Variants in RFTN1 observed in about 807,000 individuals in gnomAD.
RFTN1 encodes the protein raftlin.
RFTN1 carries 26 observed loss-of-function variants against 46.5 expected under a neutral mutation model. The ratio of observed to expected loss-of-function variants is 0.56; its 90% CI spans 0.41 to 0.78. RFTN1 has a LOEUF of 0.78. Among genes scored for constraint, RFTN1 ranks in the 30% least tolerant of loss-of-function variants. The pLI is 0.00. For missense variants in RFTN1, 693 were observed against 718.7 expected (o/e 0.96, Z 0.41); for synonymous variants, 261 against 284.2 (o/e 0.92, Z 0.82).
At position 16,458,921 on chromosome 3, in the gene RFTN1, G is replaced by A. The variant is rs1289317808; in HGVS notation, c.146-24884C>T. ...GAATTCCCTAAAAGTTACAACCCAGGGCTACTGGGTTTTCCTTTCTTTTCT... is the reference window on the plus strand; with the variant it reads ...GAATTCCCTAAAAGTTACAACCCAGAGCTACTGGGTTTTCCTTTCTTTTCT... On this transcript the variant is annotated intron_variant, in intron 2 of 9. Coordinates refer to ENST00000334133, the MANE Select transcript of RFTN1 (RefSeq NM_015150.2). This position sits in a 1 kb window ranked among gnomAD's most constrained non-coding sequence, Gnocchi z 5.1. Among the ~76,000 whole-genome samples, 1 of 151,996 alleles carries A rather than the reference G, an allele frequency of 6.6e-6. No homozygotes were observed. The highest frequency in any genetic ancestry group is 1.9e-4 in the East Asian group (1 of 5,182).
chr3:16,414,688 T>C (rs1050139353), intron 3 of RFTN1, among the ~76,000 whole-genome samples: 4 of 151,448 alleles, frequency 2.6e-5, no homozygotes, highest in African/African-American at 9.7e-5. Context: ...GAGACAGTTG[T>C]AGTTTTAATG....
rs1390094574 is a variant in RFTN1 at position 16,344,617 on chromosome 3, A to C, written c.1146+13315T>G. ...CCCAGAATCAGGTCTCTTCAGGTCCACCACCTTCTAGATCACTGCACAAGC... is the reference window on the plus strand; with the variant it reads ...CCCAGAATCAGGTCTCTTCAGGTCCCCCACCTTCTAGATCACTGCACAAGC... On this transcript the variant is annotated intron_variant, in intron 7 of 9. Coordinates refer to ENST00000334133, the MANE Select transcript of RFTN1 (RefSeq NM_015150.2). This position sits in a 1 kb window ranked among gnomAD's most constrained non-coding sequence, Gnocchi z 4.4. Among the ~76,000 whole-genome samples, 2 of 152,138 alleles carry C rather than the reference A, an allele frequency of 1.3e-5. No homozygotes were observed. The highest frequency in any genetic ancestry group is 3.9e-4 in the East Asian group (2 of 5,184).
In RFTN1 at chr3:16,507,653, C is replaced by T. The variant is rs146495544; in HGVS notation, c.-9+5789G>A. Among the ~76,000 whole-genome samples the T allele has an allele frequency of 1.3e-3, 201 of 151,156 alleles. No individual in the cohort carries two copies. The South Asian group carries it at 0.018, about 13-fold the overall frequency. On this transcript the variant is annotated intron_variant, in intron 1 of 9. Coordinates refer to ENST00000334133, the MANE Select transcript of RFTN1 (RefSeq NM_015150.2). This position sits in a 1 kb window ranked among gnomAD's most constrained non-coding sequence, Gnocchi z 7.1. ...ACACACATGCACACATCCACAAACA[C>T]GCACATACATACACACACAATGCAC... is the stretch of plus-strand genomic sequence containing the variant.
chr3:16,439,158 C>T (rs1283037288), intron 2 of RFTN1, among the ~76,000 whole-genome samples: 1 of 152,032 alleles, frequency 6.6e-6, no homozygotes, highest in Non-Finnish European at 1.5e-5. Context: ...AAAAAGGCTC[C>T]TATTATAAAC....
At position 16,322,641 on chromosome 3, in the gene RFTN1, G is replaced by T. The variant is rs1429995273; in HGVS notation, c.1332+735C>A. On this transcript the variant is annotated intron_variant, in intron 9 of 9. Coordinates refer to ENST00000334133, the MANE Select transcript of RFTN1 (RefSeq NM_015150.2). This position sits in a 1 kb window ranked among gnomAD's most constrained non-coding sequence, Gnocchi z 6.2. ...AAGCACCACAGGCTGCTCAGGGTGGGGTGGGAAGCATCAGAATCATCTGGC... is the reference window on the plus strand; with the variant it reads ...AAGCACCACAGGCTGCTCAGGGTGGTGTGGGAAGCATCAGAATCATCTGGC... Among the ~76,000 whole-genome samples, 1 of 152,186 alleles carries T rather than the reference G, an allele frequency of 6.6e-6. No individual in the cohort carries two copies. Among genetic ancestry groups the T allele is most frequent in the Non-Finnish European group, 1.5e-5 (1 of 68,028 alleles).
chr3:16,473,802 A>G lies in RFTN1; in HGVS notation c.145+19923T>C, dbSNP rs1008637683. Among the ~76,000 whole-genome samples the G allele has an allele frequency of 6.6e-6, 1 of 152,188 alleles. No homozygotes were observed. Among genetic ancestry groups the G allele is most frequent in the African/African-American group, 2.4e-5 (1 of 41,450 alleles). ...CTCCCTCAGAGACGGAGAGTCCCTC[A>G]AAGTCCTCCCACTTCTCCCTATCCT... On this transcript the variant is annotated intron_variant, in intron 2 of 9. Coordinates refer to ENST00000334133, the MANE Select transcript of RFTN1 (RefSeq NM_015150.2). The surrounding 1 kb of genome is among the most constrained non-coding windows in gnomAD (Gnocchi z 5.3).
chr3:16,394,341 A>C (rs2074420204), intron 4 of RFTN1, among the ~76,000 whole-genome samples: 1 of 152,114 alleles, frequency 6.6e-6, no homozygotes, highest in South Asian at 2.1e-4. Flanking sequence ...GCACCACTGC[A>C]CTCTAGCTTG....
intron 6 of RFTN1, among the ~76,000 whole-genome samples, chr3:16,358,387 C>T (rs1162461083): frequency 6.6e-6 from 1 of 151,792 alleles, no homozygotes; most frequent in African/African-American, 2.4e-5. Context: ...AAAACACAGT[C>T]ATTTAGAGAC....
In RFTN1 at chr3:16,377,723, G is replaced by A. The variant is rs201568893; in HGVS notation, c.821C>T (p.Ser274Leu). 2 of 1,590,170 alleles carry A rather than the reference G, an allele frequency of 1.3e-6. No individual in the cohort carries two copies. The highest frequency in any genetic ancestry group is 1.3e-5 in the African/African-American group (1 of 74,640). Residue 274 changes from serine to leucine, a missense_variant, in exon 5 of 10, where the codon TCA (serine) becomes TTA (leucine). Transcript: ENST00000334133. ...NPLEVHEEPL[S>L]GKMEIFTLFN... ...CCCATTGCTGACATACTTACTCCCTGAGAGTGGCTCTTCATGCACCTCCAA... is the reference window on the plus strand; with the variant it reads ...CCCATTGCTGACATACTTACTCCCTAAGAGTGGCTCTTCATGCACCTCCAA...
In RFTN1 at chr3:16,429,997, C is replaced by T. The variant is rs1209719223; in HGVS notation, c.332+3854G>A. The stretch of plus-strand genomic sequence containing the variant: ...CTATAACTGTCAGAACTTTGGCAGA[C>T]TTTGTGAAAAGTATCACTTTAACTG... On this transcript the variant is annotated intron_variant, in intron 3 of 9. Coordinates refer to ENST00000334133, the MANE Select transcript of RFTN1 (RefSeq NM_015150.2). This position sits in a 1 kb window ranked among gnomAD's most constrained non-coding sequence, Gnocchi z 6.4. Among the ~76,000 whole-genome samples the T allele has an allele frequency of 6.6e-6, 1 of 152,170 alleles. No homozygotes were observed. Among genetic ancestry groups the T allele is most frequent in the East Asian group, 1.9e-4 (1 of 5,202 alleles).
In RFTN1 at chr3:16,507,722, CACACAA is replaced by C; in HGVS notation, c.-9+5714_-9+5719del. Among the ~76,000 whole-genome samples, 1 of 151,222 alleles carries C rather than the reference CACACAA, an allele frequency of 6.6e-6. No individual in the cohort carries two copies. The highest frequency in any genetic ancestry group is 1.9e-4 in the East Asian group (1 of 5,160). On this transcript the variant is annotated intron_variant, in intron 1 of 9. Coordinates refer to ENST00000334133, the MANE Select transcript of RFTN1 (RefSeq NM_015150.2). This position sits in a 1 kb window ranked among gnomAD's most constrained non-coding sequence, Gnocchi z 7.1. ...ACACATACATACACATACACACATA[CACACAA>C]ACACATACACACATACATGCACACT...
At position 16,500,771 on chromosome 3, in the gene RFTN1, AATTC is replaced by A. The variant is rs2076698147; in HGVS notation, c.-8-6898_-8-6895del. 1.3e-5 allele frequency among the ~76,000 whole-genome samples: 2 copies of A among 152,180 alleles called. No individual in the cohort carries two copies. The highest frequency in any genetic ancestry group is 4.8e-5 in the African/African-American group (2 of 41,432). On this transcript the variant is annotated intron_variant, in intron 1 of 9. Coordinates refer to ENST00000334133, the MANE Select transcript of RFTN1 (RefSeq NM_015150.2). This position sits in a 1 kb window ranked among gnomAD's most constrained non-coding sequence, Gnocchi z 5.9. ...CATGAGGGAGGGAAATTATGTTCCA[AATTC>A]ATTCATCCATCCATTCATTCAACAC...
intron 4 of RFTN1, among the ~76,000 whole-genome samples, chr3:16,388,318 G>C (rs920276441): frequency 7.2e-5 from 11 of 152,158 alleles, no homozygotes; most frequent in African/African-American, 2.7e-4. Context: ...TCAGCATCTG[G>C]AACTGTTCCT....
At chr3:16,419,635 A>G (rs1437610527) in intron 3 of RFTN1, among the ~76,000 whole-genome samples, 1 of 152,234 alleles carries the variant, frequency 6.6e-6, no homozygotes, top group Admixed American at 6.5e-5. Flanking sequence ...AATCTACACA[A>G]ATACAATGAG....
intron 4 of RFTN1, among the ~76,000 whole-genome samples, chr3:16,392,261 A>G (rs2074370122): frequency 6.6e-6 from 1 of 152,202 alleles, no homozygotes; most frequent in Admixed American, 6.5e-5. Flanking sequence ...ACATAATCAC[A>G]AGCAATTAAA....
rs1382177033 is a variant in RFTN1, at chr3:16,338,664, A to C, written c.1147-11788T>G. On this transcript the variant is annotated intron_variant, in intron 7 of 9. Coordinates refer to ENST00000334133, the MANE Select transcript of RFTN1 (RefSeq NM_015150.2). This position sits in a 1 kb window ranked among gnomAD's most constrained non-coding sequence, Gnocchi z 5.3. ...GAGAAAACTAGGCTTTCTGGGAGTA[A>C]ATGGGACTTGCTACTTTATTACTCT... 6.6e-6 allele frequency among the ~76,000 whole-genome samples: 1 copy of C among 152,216 alleles called. No homozygotes were observed. Among genetic ancestry groups the C allele is most frequent in the African/African-American group, 2.4e-5 (1 of 41,442 alleles).
intron 2 of RFTN1, among the ~76,000 whole-genome samples, chr3:16,469,359 TATC>T (rs1228172542): frequency 1.3e-5 from 2 of 152,200 alleles, no homozygotes; most frequent in East Asian, 3.8e-4. Flanking sequence ...ATAGTATCAT[TATC>T]ATCATCATCA....
At chr3:16,494,283 C>T (rs2076589895) in intron 1 of RFTN1, among the ~76,000 whole-genome samples, 1 of 152,180 alleles carries the variant, frequency 6.6e-6, no homozygotes, top group African/African-American at 2.4e-5. Flanking sequence ...AGAGATGTGT[C>T]ACCTTCACTG....
In RFTN1 at chr3:16,428,845, TTC is replaced by T. The variant is rs1228859765; in HGVS notation, c.332+5004_332+5005del. On this transcript the variant is annotated intron_variant, in intron 3 of 9. Transcript: ENST00000334133. This position sits in a 1 kb window ranked among gnomAD's most constrained non-coding sequence, Gnocchi z 4.7. ...CAGAAGTGACGTTTTAATAACTGACTTCTGTTAGCCATCAAGTTTCAAGATCT... is the reference window on the plus strand; with the variant it reads ...CAGAAGTGACGTTTTAATAACTGACTTGTTAGCCATCAAGTTTCAAGATCT... 3.3e-5 allele frequency among the ~76,000 whole-genome samples: 5 copies of T among 152,292 alleles called. No homozygotes were observed. Among genetic ancestry groups the T allele is most frequent in the Non-Finnish European group, 5.9e-5 (4 of 68,028 alleles).
Sources: allele counts gnomAD v4.1 joint callset (sites outside exome capture counted in the v4.1 genomes callset), GRCh38; gene constraint gnomAD v4.1.1; non-coding constraint Gnocchi (gnomAD v3.1); transcripts MANE v1.5; gene names NCBI Gene and HGNC (gene_info 2026-07-23, HGNC 2026-07-21).